SORBS2: variants seen among roughly 807,000 people sequenced by gnomAD.
SORBS2 encodes the protein sorbin and SH3 domain-containing protein 2.
SORBS2 carries 46 observed loss-of-function variants against 97.7 expected under a neutral mutation model. That is an observed-to-expected ratio of 0.47 (90% confidence interval 0.37 to 0.60). SORBS2 has a LOEUF of 0.60. Among genes scored for constraint, SORBS2 ranks in the 20% least tolerant of loss-of-function variants. SORBS2 has a pLI of 0.00. For synonymous variants in SORBS2, 476 were observed against 473.4 expected (o/e 1.01, Z -0.07); for missense variants, 1,316 against 1,282.3 (o/e 1.03, Z -0.40).
intron 1 of SORBS2, among the ~76,000 whole-genome samples, chr4:185,948,576 G>T (rs1335792951): frequency 6.9e-6 from 1 of 144,156 alleles, no homozygotes; most frequent in Non-Finnish European, 1.5e-5. Flanking sequence ...GGAGTGCAGT[G>T]GCACAGTCTT....
At position 185,618,639 on chromosome 4, in the gene SORBS2, G is replaced by A; in HGVS notation, c.2305-8C>T. On this transcript the variant is annotated splice_polypyrimidine_tract_variant and splice_region_variant and intron_variant, in intron 8 of 14. Transcript: ENST00000418609. ...AGCTTTTGCAGGCAATTTCTGAAAA[G>A]GAAGATAAACAATTAGCACTAATTT... 6.5e-7 allele frequency: 1 copy of A among 1,529,436 alleles called. No homozygotes were observed. The highest frequency in any genetic ancestry group is 8.9e-7 in the Non-Finnish European group (1 of 1,123,196). 94.7% of individuals were successfully genotyped at this position (1,529,436 alleles called of 1,614,324 possible).
At chr4:185,777,051 G>A (rs1313143567) in intron 1 of SORBS2, among the ~76,000 whole-genome samples, 3 of 151,954 alleles carry the variant, frequency 2.0e-5, no homozygotes, top group Non-Finnish European at 4.4e-5. Flanking sequence ...ATTATGCCAT[G>A]TGAAAAAAAA....
chr4:185,733,956 C>A (rs1249788788), intron 2 of SORBS2, 143 bp downstream of exon 3: 2 of 152,402 alleles, frequency 1.3e-5, no homozygotes, highest in South Asian at 2.1e-4. Flanking sequence ...TCAGGGCATG[C>A]GCATATTCTT....
chr4:185,941,291 G>A (rs1330055932), intron 1 of SORBS2, among the ~76,000 whole-genome samples: 3 of 152,332 alleles, frequency 2.0e-5, no homozygotes, highest in African/African-American at 7.2e-5. Context: ...TCCAGATCAA[G>A]TTGGAGAGCT....
At chr4:185,797,949 C>T (rs1180400722) in intron 1 of SORBS2, among the ~76,000 whole-genome samples, 2 of 152,224 alleles carry the variant, frequency 1.3e-5, no homozygotes, top group East Asian at 3.8e-4. Flanking sequence ...CTACTCTGTG[C>T]CTTCCTTCTG....
intron 2 of SORBS2, among the ~76,000 whole-genome samples, chr4:185,716,088 AT>A (rs1474197364): frequency 6.6e-6 from 1 of 152,232 alleles, no homozygotes; most frequent in Non-Finnish European, 1.5e-5. Flanking sequence ...TAGAAAAAGT[AT>A]TTCATAACGA....
At chr4:185,739,499 G>A (rs1427667456) in intron 2 of SORBS2, among the ~76,000 whole-genome samples, 1 of 152,166 alleles carries the variant, frequency 6.6e-6, no homozygotes, top group African/African-American at 2.4e-5. Flanking sequence ...TAAGCGAAAA[G>A]CATTCTAAAT....
rs532749844 is a variant in SORBS2 at position 185,674,237 on chromosome 4, C to G, written c.-46+4186G>C. ...TGGAACCTCTGAAGTTTCCACCAAC[C>G]TGTTCCACCCACAGCTGTCCAGTCT... On this transcript the variant is annotated intron_variant, in intron 4 of 20. Coordinates refer to the SORBS2 transcript ENST00000284776. Among the ~76,000 whole-genome samples the G allele has an allele frequency of 1.1e-4, 16 of 152,342 alleles. No individual in the cohort carries two copies. The East Asian group carries it at 3.1e-3, about 29-fold the overall frequency.
chr4:185,750,593 T>C (rs527406528), intron 2 of SORBS2, among the ~76,000 whole-genome samples: 1 of 152,368 alleles, frequency 6.6e-6, no homozygotes, highest in Non-Finnish European at 1.5e-5. Context: ...CTGAAGTTTA[T>C]TGATTAAGCT....
chr4:185,594,232 G>T (rs1339859173), intron 12 of SORBS2, among the ~76,000 whole-genome samples: 1 of 152,140 alleles, frequency 6.6e-6, no homozygotes, highest in Non-Finnish European at 1.5e-5. Flanking sequence ...CAAAGGCCAG[G>T]AATAAGGCAA....
intron 4 of SORBS2, chr4:185,677,039 T>G: frequency 6.4e-7 from 1 of 1,551,250 alleles, no homozygotes; most frequent in Non-Finnish European, 8.7e-7. Flanking sequence ...CAACTGCAGA[T>G]TTTTGTCTCT....
rs144433344 is a variant in SORBS2 at position 185,693,081 on chromosome 4, G to A, written c.-197-14259C>T. Among the ~76,000 whole-genome samples, 806 of 152,188 alleles carry A rather than the reference G, an allele frequency of 5.3e-3. 8 individuals are homozygous for A. The highest frequency in any genetic ancestry group is 0.019 in the African/African-American group (772 of 41,514). Reference sequence around the variant, plus strand: ...GAGCAGGGCAGGAGCCATGCTTAGCGTGGCCAGGCTAGAACTGAGTTTCCA... The same window carrying A: ...GAGCAGGGCAGGAGCCATGCTTAGCATGGCCAGGCTAGAACTGAGTTTCCA... On this transcript the variant is annotated intron_variant, in intron 2 of 20. Coordinates refer to the SORBS2 transcript ENST00000284776.
chr4:185,707,513 G>T (rs1336881265), intron 2 of SORBS2, among the ~76,000 whole-genome samples: 3 of 148,436 alleles, frequency 2.0e-5, no homozygotes, highest in African/African-American at 2.5e-5. Flanking sequence ...AAACATCTTT[G>T]TTTTTTTTTT....
At chr4:185,816,530 C>T (rs926528470) in intron 1 of SORBS2, among the ~76,000 whole-genome samples, 1 of 152,176 alleles carries the variant, frequency 6.6e-6, no homozygotes, top group Non-Finnish European at 1.5e-5. Context: ...GGAAATGTGA[C>T]AACTGACTTA....
At chr4:185,648,018 C>T (rs1406934743) in intron 3 of SORBS2, among the ~76,000 whole-genome samples, 3 of 152,156 alleles carry the variant, frequency 2.0e-5, no homozygotes, top group African/African-American at 4.8e-5. Flanking sequence ...CATAATTCAT[C>T]CTGAGGAGAT....
chr4:185,621,410 C>T (rs2153420603), intron 7 of SORBS2, among the ~76,000 whole-genome samples: 1 of 152,144 alleles, frequency 6.6e-6, no homozygotes, highest in African/African-American at 2.4e-5. Context: ...TTTCAAAGCC[C>T]TTCCAAGTTA....
At chr4:185,806,507 G>T (rs1490407326) in intron 1 of SORBS2, among the ~76,000 whole-genome samples, 1 of 136,910 alleles carries the variant, frequency 7.3e-6, no homozygotes, top group Non-Finnish European at 1.5e-5. Flanking sequence ...GCCCAGGCTG[G>T]AGTGCAGTGG....
intron 1 of SORBS2, among the ~76,000 whole-genome samples, chr4:185,947,543 A>C (rs939108322): frequency 6.6e-6 from 1 of 152,166 alleles, no homozygotes; most frequent in African/African-American, 2.4e-5. Context: ...CTGTGGTCTT[A>C]CACTAGTCTG....
At chr4:185,913,720 C>G (rs1310862065) in intron 1 of SORBS2, among the ~76,000 whole-genome samples, 1 of 152,100 alleles carries the variant, frequency 6.6e-6, no homozygotes, top group African/African-American at 2.4e-5. Flanking sequence ...GATTTTAAAA[C>G]TAGAAGAGAT....
Sources: allele counts gnomAD v4.1 joint callset (sites outside exome capture counted in the v4.1 genomes callset), GRCh38; gene constraint gnomAD v4.1.1; transcripts MANE v1.5; gene names NCBI Gene and HGNC (gene_info 2026-07-23, HGNC 2026-07-21).